GLB1: variants seen among roughly 807,000 people sequenced by gnomAD.
GLB1 encodes beta-galactosidase.
GLB1 carries 56 observed loss-of-function variants against 74.0 expected under a neutral mutation model. The ratio of observed to expected loss-of-function variants is 0.76; its 90% CI spans 0.61 to 0.94. GLB1 has a LOEUF of 0.94. Ranked by LOEUF, GLB1 falls within the 40% of genes least tolerant of loss-of-function variation. The probability of loss-of-function intolerance (pLI) is 0.00; values close to 1 mark genes in which losing one functional copy is unlikely to be tolerated. For missense variants in GLB1, 787 were observed against 845.5 expected (o/e 0.93, Z 0.86); for synonymous variants, 323 against 323.6 (o/e 1.00, Z 0.02).
intron 1 of GLB1, among the ~76,000 whole-genome samples, chr3:33,073,059 T>C (rs549372926): frequency 6.6e-6 from 1 of 152,210 alleles, no homozygotes; most frequent in East Asian, 1.9e-4. Context: ...ACACACGCCA[T>C]TGTTGCTGTG....
chr3:32,979,551 A>G, the GLB1 span, among the ~76,000 whole-genome samples: 1 of 151,292 alleles, frequency 6.6e-6, no homozygotes, highest in Non-Finnish European at 1.5e-5. Context: ...GTAGAATTTT[A>G]TTGTCAAAAA....
chr3:33,011,760 T>G (rs896620943), intron 15 of GLB1, among the ~76,000 whole-genome samples: 4 of 152,066 alleles, frequency 2.6e-5, no homozygotes, highest in African/African-American at 9.7e-5. Flanking sequence ...ACCATGTACA[T>G]CTTTTGCCTT....
intron 14 of GLB1, 22 bp from the exon 15 acceptor site, chr3:33,014,332 C>T: frequency 1.9e-6 from 3 of 1,612,236 alleles, no homozygotes; most frequent in Non-Finnish European, 1.7e-6. Context: ...AAACAGAGCA[C>T]AGTGAGCTGG....
the GLB1 span, among the ~76,000 whole-genome samples, chr3:32,971,688 C>T: frequency 1.8e-4 from 28 of 152,328 alleles, no homozygotes; most frequent in African/African-American, 6.3e-4. Context: ...AAACAACCTG[C>T]CTAGGGCAAC....
rs767359475 is a variant in GLB1, at chr3:33,021,661, A to T, written c.1144-6T>A. On this transcript the variant is annotated splice_polypyrimidine_tract_variant and splice_region_variant and intron_variant, in intron 11 of 15. Transcript: ENST00000307363. Reference sequence around the variant, plus strand: ...GCTGCTCCCACTGTCTTTAACTGAAAAGAAACAAAAGCAGCATTCACACAC... The same window carrying T: ...GCTGCTCCCACTGTCTTTAACTGAATAGAAACAAAAGCAGCATTCACACAC... 8 of 1,613,112 alleles carry T rather than the reference A, an allele frequency of 5.0e-6. No individual in the cohort carries two copies. Among genetic ancestry groups the T allele is most frequent in the Non-Finnish European group, 6.8e-6 (8 of 1,179,604 alleles).
chr3:33,042,370 CTTTTTT>C (rs66685286), intron 10 of GLB1, among the ~76,000 whole-genome samples: 5 of 99,232 alleles, frequency 5.0e-5, no homozygotes, highest in East Asian at 4.8e-4. Flanking sequence ...TCATCTCCTC[CTTTTTT>C]TTTTTTTTTT....
At chr3:33,072,429 C>T in intron 2 of GLB1, 115 bp downstream of exon 2, 1 of 1,515,772 alleles carries the variant, frequency 6.6e-7, no homozygotes, top group Non-Finnish European at 8.9e-7. Flanking sequence ...GAACATCACA[C>T]TGGACCATTT....
chr3:33,023,231 G>A (rs1319012114), intron 11 of GLB1, among the ~76,000 whole-genome samples: 2 of 152,124 alleles, frequency 1.3e-5, no homozygotes. Context: ...AAATAGATTT[G>A]TCATGGCTCT....
rs535923989 is a variant in GLB1, at chr3:33,029,278, A to G, written c.1069-4953T>C. Among the ~76,000 whole-genome samples the G allele has an allele frequency of 2.5e-3, 388 of 152,310 alleles. 1 individual carries two copies. Among genetic ancestry groups the G allele is most frequent in the African/African-American group, 8.5e-3 (355 of 41,568 alleles). Reference sequence around the variant, plus strand: ...AGAGCAATCAGAAATGTTGCTTCTCATACTTAACCGGACACATTCAACACG... The same window carrying G: ...AGAGCAATCAGAAATGTTGCTTCTCGTACTTAACCGGACACATTCAACACG... On this transcript the variant is annotated intron_variant, in intron 10 of 15. Transcript: ENST00000307363.
intron 1 of GLB1, chr3:33,092,568 GA>G: frequency 8.2e-7 from 1 of 1,222,578 alleles, no homozygotes; most frequent in East Asian, 3.4e-5. Flanking sequence ...ACATCATCTG[GA>G]AAATAGAGGG....
At chr3:33,050,336 C>G (rs1034307073) in intron 9 of GLB1, among the ~76,000 whole-genome samples, 1 of 152,192 alleles carries the variant, frequency 6.6e-6, no homozygotes, top group Non-Finnish European at 1.5e-5. Flanking sequence ...CAAACAAATC[C>G]TTGTACATCA....
At chr3:33,056,693 A>G (rs1290974590) in intron 6 of GLB1, among the ~76,000 whole-genome samples, 1 of 152,186 alleles carries the variant, frequency 6.6e-6, no homozygotes, top group East Asian at 1.9e-4. Context: ...TTTACTAGAT[A>G]TACACTATCA....
chr3:33,090,678 T>G (rs1700714726), intron 1 of GLB1: 1 of 985,362 alleles, frequency 1.0e-6, no homozygotes, highest in African/African-American at 1.7e-5. Flanking sequence ...CATGGAGACC[T>G]GCCCACCAGG....
intron 1 of GLB1, chr3:33,091,289 T>C: frequency 1.0e-6 from 1 of 985,398 alleles, no homozygotes; most frequent in Non-Finnish European, 1.2e-6. Context: ...ACAAAAAGGG[T>C]GGTCTCCAGA....
intron 1 of GLB1, chr3:33,094,229 C>A (rs1700907539): frequency 6.4e-7 from 1 of 1,558,168 alleles, no homozygotes; most frequent in South Asian, 1.2e-5. Flanking sequence ...CCCACCAGTT[C>A]TGTGCTGGTG....
At chr3:33,072,750 C>T in intron 1 of GLB1, 37 bp from the exon 2 acceptor site, 1 of 1,613,556 alleles carries the variant, frequency 6.2e-7, no homozygotes, top group South Asian at 1.1e-5. Context: ...AGAACTTCCA[C>T]CTTCTGCATT....
At chr3:32,979,323 T>A in the GLB1 span, among the ~76,000 whole-genome samples, 5 of 152,184 alleles carry the variant, frequency 3.3e-5, no homozygotes, top group African/African-American at 1.2e-4. Flanking sequence ...GCTCTTAGGC[T>A]AAAACACTTA....
chr3:32,998,761 C>A (rs1696424987), intron 15 of GLB1, among the ~76,000 whole-genome samples: 1 of 152,098 alleles, frequency 6.6e-6, no homozygotes, highest in South Asian at 2.1e-4. Flanking sequence ...TAGGAGACAG[C>A]CTGGAGGAGG....
At chr3:32,965,920 C>T in the GLB1 span, among the ~76,000 whole-genome samples, 1 of 152,218 alleles carries the variant, frequency 6.6e-6, no homozygotes, top group South Asian at 2.1e-4. Flanking sequence ...GTTGAGACTG[C>T]AGGTGCACAG....
Sources: allele counts gnomAD v4.1 joint callset (sites outside exome capture counted in the v4.1 genomes callset), GRCh38; gene constraint gnomAD v4.1.1; transcripts MANE v1.5; gene names NCBI Gene and HGNC (gene_info 2026-07-23, HGNC 2026-07-21).